Variants in PCDHGA1 observed in about 807,000 individuals in gnomAD.
PCDHGA1 encodes protocadherin gamma subfamily A, 1, also known as protocadherin gamma-A1.
In PCDHGA1, 32 loss-of-function variants were observed where a neutral mutation model predicts 58.0. The observed-to-expected ratio is 0.55, with a 90% confidence interval of 0.42 to 0.74. The LOEUF (loss-of-function observed/expected upper bound fraction) is 0.74, where lower values mean the gene tolerates loss of function less well. PCDHGA1 is among the 30% of genes least tolerant of loss of function. The pLI is 0.00. For missense variants in PCDHGA1, 1,205 were observed against 1,182.3 expected (o/e 1.02, Z -0.28); for synonymous variants, 498 against 501.1 (o/e 0.99, Z 0.08).
chr5:141,455,143 T>C (rs984886337), intron 1 of PCDHGA1, among the ~76,000 whole-genome samples: 1 of 149,894 alleles, frequency 6.7e-6, no homozygotes, highest in Non-Finnish European at 1.5e-5. Flanking sequence ...CTGTGTTAAA[T>C]AAATATTAGT....
Position 141,490,772 on chromosome 5 carries a change from C to T in PCDHGA1, c.2422-4035C>T. ...GCCTCCTCCTTTGTGTATGTCAACC[C>T]AGAGGATGGACGGATCTTTGCCCAG... On this transcript the variant is annotated intron_variant, in intron 1 of 3. Coordinates refer to ENST00000517417, the MANE Select transcript of PCDHGA1 (RefSeq NM_018912.3). This position sits in a 1 kb window ranked among gnomAD's most constrained non-coding sequence, Gnocchi z 5.4. 6.2e-7 allele frequency: 1 copy of T among 1,614,164 alleles called. No homozygotes were observed. The highest frequency in any genetic ancestry group is 1.1e-5 in the South Asian group (1 of 91,082).
intron 1 of PCDHGA1, chr5:141,394,876 G>T: frequency 1.2e-6 from 2 of 1,613,866 alleles, no homozygotes; most frequent in Middle Eastern, 1.6e-4. Flanking sequence ...AACGATTCGA[G>T]CCTTACACTC....
intron 1 of PCDHGA1, chr5:141,383,656 G>C: frequency 1.2e-6 from 2 of 1,614,008 alleles, no homozygotes; most frequent in South Asian, 1.1e-5. Flanking sequence ...AACTGTCCCC[G>C]AGAATGTGCC....
At chr5:141,371,875 G>T in intron 1 of PCDHGA1, 1 of 1,613,506 alleles carries the variant, frequency 6.2e-7, no homozygotes, top group Non-Finnish European at 8.5e-7. Context: ...ATCGTGGCCA[G>T]TGACCTGGAG....
Position 141,432,473 on chromosome 5 carries a change from T to G in PCDHGA1, c.2422-62334T>G. On this transcript the variant is annotated intron_variant, in intron 1 of 3. Coordinates refer to ENST00000517417, the MANE Select transcript of PCDHGA1 (RefSeq NM_018912.3). The surrounding 1 kb of genome is among the most constrained non-coding windows in gnomAD (Gnocchi z 6.0). ...GTACCCCGCCCTCCCCACGGACGGT[T>G]CCACTGGCGTGGAGCTGGCTCCCCG... 1 of 1,614,180 alleles carries G rather than the reference T, an allele frequency of 6.2e-7. No individual in the cohort carries two copies. The highest frequency in any genetic ancestry group is 1.1e-5 in the South Asian group (1 of 91,078).
rs199658498 is a variant in PCDHGA1 at position 141,394,428 on chromosome 5, G to C, written c.2421+61323G>C. 4 of 1,614,114 alleles carry C rather than the reference G, an allele frequency of 2.5e-6. No individual in the cohort carries two copies. In the East Asian group the frequency reaches 6.7e-5, roughly 27 times the overall value. ...ACTGGTAACAGCCAGCGACAGCGGGGACCCGCCCCTCAGCAGCAACATGTC... is the reference window on the plus strand; with the variant it reads ...ACTGGTAACAGCCAGCGACAGCGGGCACCCGCCCCTCAGCAGCAACATGTC... On this transcript the variant is annotated intron_variant, in intron 1 of 3. Coordinates refer to ENST00000517417, the MANE Select transcript of PCDHGA1 (RefSeq NM_018912.3).
intron 1 of PCDHGA1, among the ~76,000 whole-genome samples, chr5:141,336,403 G>A (rs1359312569): frequency 6.6e-6 from 1 of 151,974 alleles, no homozygotes; most frequent in Non-Finnish European, 1.5e-5. Context: ...AAAAACAAAA[G>A]CAAAATATAC....
chr5:141,430,471 T>TA (rs759564776), intron 1 of PCDHGA1: 176 of 234,152 alleles, frequency 7.5e-4, no homozygotes, highest in Non-Finnish European at 1.1e-3. Context: ...TGGAGCTATT[T>TA]AAGATATAAA....
intron 1 of PCDHGA1, chr5:141,355,776 A>T: frequency 6.2e-7 from 1 of 1,613,874 alleles, no homozygotes; most frequent in Non-Finnish European, 8.5e-7. Flanking sequence ...TTAAGTACCC[A>T]GAGCTGGTGC....
intron 1 of PCDHGA1, chr5:141,393,878 A>C: frequency 1.9e-6 from 3 of 1,614,022 alleles, no homozygotes; most frequent in Non-Finnish European, 2.5e-6. Context: ...TGTTTAGCCC[A>C]GTGTTAGAAA....
chr5:141,403,202 T>A, intron 1 of PCDHGA1: 4 of 1,613,984 alleles, frequency 2.5e-6, no homozygotes, highest in Non-Finnish European at 3.4e-6. Context: ...CAGCGGCACC[T>A]TGGTCACCGC....
At chr5:141,418,844 A>G (rs781310201) in intron 1 of PCDHGA1, 2 of 1,613,936 alleles carry the variant, frequency 1.2e-6, no homozygotes, top group South Asian at 2.2e-5. Context: ...ATCTCTCTCA[A>G]CACGGTGTAA....
At position 141,331,517 on chromosome 5, in the gene PCDHGA1, C is replaced by G. The variant is rs1322411833; in HGVS notation, c.833C>G (p.Thr278Arg). 3.1e-6 allele frequency: 5 copies of G among 1,614,168 alleles called. No homozygotes were observed. The highest frequency in any genetic ancestry group is 2.5e-6 in the Non-Finnish European group (3 of 1,180,036). ...DPDEGANGEV[T>R]YSFHNVDHRV... ...GATGAGGGAGCCAATGGGGAAGTAA[C>G]GTACTCCTTTCACAATGTAGACCAC... The change falls in exon 1 of 4, where the codon ACG (threonine) becomes AGG (arginine). Residue 278 changes from threonine (T) to arginine (R), a missense_variant. Transcript: ENST00000517417.
In PCDHGA1 at chr5:141,400,400, C is replaced by T. The variant is rs375490385; in HGVS notation, c.2421+67295C>T. On this transcript the variant is annotated intron_variant, in intron 1 of 3. Coordinates refer to ENST00000517417, the MANE Select transcript of PCDHGA1 (RefSeq NM_018912.3). ...CTATGTGTTGCACATACAGGAAAGA[C>T]GGAGTTTAATTTCCTAAAATGTAGT... 65 of 1,614,000 alleles carry T rather than the reference C, an allele frequency of 4.0e-5. No individual in the cohort carries two copies. Among genetic ancestry groups the T allele is most frequent in the South Asian group, 3.8e-4 (35 of 91,078 alleles).
rs375404779 is a variant in PCDHGA1 at position 141,419,760 on chromosome 5, A to T, written c.2422-75047A>T. 11 of 1,613,876 alleles carry T rather than the reference A, an allele frequency of 6.8e-6. No homozygotes were observed. The highest frequency in any genetic ancestry group is 9.3e-6 in the Non-Finnish European group (11 of 1,179,904). On this transcript the variant is annotated intron_variant, in intron 1 of 3. Coordinates refer to ENST00000517417, the MANE Select transcript of PCDHGA1 (RefSeq NM_018912.3). ...GTGCGCATGGTGCGTGCTTTGGGTG[A>T]CAAGGACTCGGTCCGCCAGCGCCTG...
intron 1 of PCDHGA1, chr5:141,403,000 A>T: frequency 1.1e-5 from 18 of 1,613,980 alleles, no homozygotes; most frequent in Non-Finnish European, 1.4e-5. Context: ...TAGTCCTGCT[A>T]TGCTCGCTCC....
rs147506725 is a variant in PCDHGA1, at chr5:141,442,240, G to A, written c.2422-52567G>A. Reference sequence around the variant, plus strand: ...CTTTAATTTCCTTTTTATTCTTCCTGATTGCATTGTTTGTGCTGGTTTTAA... The same window carrying A: ...CTTTAATTTCCTTTTTATTCTTCCTAATTGCATTGTTTGTGCTGGTTTTAA... On this transcript the variant is annotated intron_variant, in intron 1 of 3. Transcript: ENST00000517417. 1,291 of 153,334 alleles carry A rather than the reference G, an allele frequency of 8.4e-3. 26 individuals carry two copies. The highest frequency in any genetic ancestry group is 0.029 in the African/African-American group (1,208 of 41,552). 9.5% of individuals were successfully genotyped at this position (153,334 alleles called of 1,614,324 possible).
At chr5:141,441,709 C>T in intron 1 of PCDHGA1, 1 of 321,306 alleles carries the variant, frequency 3.1e-6, no homozygotes, top group Non-Finnish European at 6.1e-6. Flanking sequence ...TTCAAGCTCA[C>T]GCTGCAGGCC....
intron 2 of PCDHGA1, among the ~76,000 whole-genome samples, chr5:141,505,122 A>G (rs2099843899): frequency 6.6e-6 from 1 of 152,194 alleles, no homozygotes; most frequent in Non-Finnish European, 1.5e-5. Context: ...AGATCGCGCC[A>G]CTGCACTCCA....
Sources: allele counts gnomAD v4.1 joint callset (sites outside exome capture counted in the v4.1 genomes callset), GRCh38; gene constraint gnomAD v4.1.1; non-coding constraint Gnocchi (gnomAD v3.1); transcripts MANE v1.5; gene names NCBI Gene and HGNC (gene_info 2026-07-23, HGNC 2026-07-21).